The following AUTS2 variants were observed in gnomAD, a reference collection of about 807,000 sequenced individuals.
AUTS2 encodes the protein activator of transcription and developmental regulator AUTS2.
AUTS2 carries 17 observed loss-of-function variants against 112.4 expected under a neutral mutation model. That is an observed-to-expected ratio of 0.15 (90% confidence interval 0.10 to 0.23). The LOEUF is 0.23. AUTS2 is among the 10% of genes least tolerant of loss of function. The probability of loss-of-function intolerance (pLI) is 1.00; values close to 1 mark genes in which losing one functional copy is unlikely to be tolerated. For missense variants in AUTS2, 1,510 were observed against 1,701.6 expected, an observed-to-expected ratio of 0.89 and a Z score of 1.98; for synonymous variants, 751 against 702.7, an observed-to-expected ratio of 1.07 and a Z score of -1.09.
intron 6 of AUTS2, among the ~76,000 whole-genome samples, chr7:70,710,451 A>G (rs895114075): frequency 6.6e-6 from 1 of 152,242 alleles, no homozygotes; most frequent in African/African-American, 2.4e-5. Context: ...TCAGAGTTCT[A>G]GTTCTTCAAG....
chr7:70,763,582 C>A (rs77094103), intron 7 of AUTS2, among the ~76,000 whole-genome samples: 1 of 151,424 alleles, frequency 6.6e-6, no homozygotes, highest in Non-Finnish European at 1.5e-5. Flanking sequence ...TATGGGCACT[C>A]GAGAGTGGAG....
At chr7:70,146,090 CT>C (rs1439446939) in intron 4 of AUTS2, among the ~76,000 whole-genome samples, 1 of 152,052 alleles carries the variant, frequency 6.6e-6, no homozygotes, top group Non-Finnish European at 1.5e-5. Flanking sequence ...GTTTGATTTT[CT>C]TTAGATTTTT....
At chr7:69,863,397 C>G (rs117203421) in intron 1 of AUTS2, among the ~76,000 whole-genome samples, 239 of 152,172 alleles carry the variant, frequency 1.6e-3, no homozygotes, top group Non-Finnish European at 2.7e-3. Flanking sequence ...CTTGAGCATT[C>G]GTGGATTTTA....
At chr7:70,286,280 C>G (rs1047204520) in intron 4 of AUTS2, among the ~76,000 whole-genome samples, 2 of 152,154 alleles carry the variant, frequency 1.3e-5, no homozygotes, top group Non-Finnish European at 2.9e-5. Flanking sequence ...CAGGAAGATA[C>G]TGAAGGGTTA....
chr7:70,704,462 C>T (rs895091867), intron 6 of AUTS2, among the ~76,000 whole-genome samples: 1 of 152,156 alleles, frequency 6.6e-6, no homozygotes, highest in Non-Finnish European at 1.5e-5. Flanking sequence ...TTATACTGGG[C>T]GATTACTGCT....
intron 2 of AUTS2, among the ~76,000 whole-genome samples, chr7:70,013,393 C>T (rs768500801): frequency 2.0e-5 from 3 of 152,322 alleles, no homozygotes; most frequent in Non-Finnish European, 4.4e-5. Flanking sequence ...GAATTCTGCT[C>T]AAGTCAAGAT....
At chr7:70,138,006 C>T (rs537854418) in intron 4 of AUTS2, among the ~76,000 whole-genome samples, 2 of 152,068 alleles carry the variant, frequency 1.3e-5, no homozygotes, top group African/African-American at 2.4e-5. Flanking sequence ...ATGAACATGA[C>T]GATGTTGGAA....
chr7:70,219,982 GA>G (rs1811389866), intron 4 of AUTS2, among the ~76,000 whole-genome samples: 1 of 152,118 alleles, frequency 6.6e-6, no homozygotes, highest in African/African-American at 2.4e-5. Context: ...TACATTCTAG[GA>G]CTAAGACTTT....
chr7:69,686,330 A>G (rs1797063518), intron 1 of AUTS2, among the ~76,000 whole-genome samples: 1 of 152,306 alleles, frequency 6.6e-6, no homozygotes, highest in East Asian at 1.9e-4. Context: ...TGGAGGGTTC[A>G]TAATAGAAAG....
chr7:69,873,535 C>T (rs577446208), intron 1 of AUTS2, among the ~76,000 whole-genome samples: 11 of 151,358 alleles, frequency 7.3e-5, no homozygotes, highest in Admixed American at 2.0e-4. Context: ...ATGAGATCGT[C>T]GTGAGATCTA....
chr7:70,470,555 C>T (rs1272230003), intron 5 of AUTS2, among the ~76,000 whole-genome samples: 1 of 152,192 alleles, frequency 6.6e-6, no homozygotes, highest in African/African-American at 2.4e-5. Context: ...TAAACATGGA[C>T]TGGGCCCACG....
At chr7:69,783,088 CTTTTTTTTTTTT>C (rs398047755) in intron 1 of AUTS2, among the ~76,000 whole-genome samples, 4 of 85,136 alleles carry the variant, frequency 4.7e-5, no homozygotes, top group East Asian at 3.8e-4. Flanking sequence ...TGCTGCTCAT[CTTTTTTTTTTTT>C]TTTTTTTTTT....
chr7:69,991,001 GGA>G (rs1798720694), intron 2 of AUTS2, among the ~76,000 whole-genome samples: 2 of 152,128 alleles, frequency 1.3e-5, no homozygotes, highest in South Asian at 4.1e-4. Context: ...AGAGGAGAGA[GGA>G]GAGTTTTCTT....
chr7:69,828,013 G>A (rs1037271599), intron 1 of AUTS2, among the ~76,000 whole-genome samples: 11 of 152,232 alleles, frequency 7.2e-5, no homozygotes, highest in African/African-American at 1.2e-4. Context: ...CCAGCATTCC[G>A]TGAGGACTTG....
chr7:70,310,113 G>T (rs1018006120), intron 4 of AUTS2, among the ~76,000 whole-genome samples: 6 of 151,852 alleles, frequency 4.0e-5, no homozygotes, highest in African/African-American at 1.5e-4. Context: ...GTGGTAAAGG[G>T]AGATGAAAAC....
At position 70,622,787 on chromosome 7, in the gene AUTS2, C is replaced by G. The variant is rs142073285; in HGVS notation, c.691-75782C>G. On this transcript the variant is annotated intron_variant, in intron 5 of 18. Transcript: ENST00000342771. ...GCAGCCTTTACACGTCTTTCATCGGCCTTTTTCTTTGTGGACCAAAAGAAA... is the reference window on the plus strand; with the variant it reads ...GCAGCCTTTACACGTCTTTCATCGGGCTTTTTCTTTGTGGACCAAAAGAAA... 4.6e-5 allele frequency among the ~76,000 whole-genome samples: 7 copies of G among 152,276 alleles called. No individual in the cohort carries two copies. In the East Asian group the frequency reaches 1.2e-3, roughly 25 times the overall value.
intron 4 of AUTS2, among the ~76,000 whole-genome samples, chr7:70,152,542 A>G (rs749195436): frequency 4.6e-5 from 7 of 152,256 alleles, no homozygotes; most frequent in Middle Eastern, 3.4e-3. Context: ...TTCAAAAGAC[A>G]TGGATAAGAG....
chr7:70,596,501 G>A (rs1476760781), intron 5 of AUTS2: 1 of 152,312 alleles, frequency 6.6e-6, no homozygotes, highest in Non-Finnish European at 1.5e-5. Context: ...AGAAGCAGCA[G>A]ATGCCGAACC....
At chr7:69,679,458 T>C (rs1479753726) in intron 1 of AUTS2, among the ~76,000 whole-genome samples, 2 of 152,250 alleles carry the variant, frequency 1.3e-5, no homozygotes, top group East Asian at 1.9e-4. Flanking sequence ...GAGGCAGTTA[T>C]AACTAAGTGT....
Sources: gnomAD v4.1 joint callset for allele counts (sites outside exome capture counted in the v4.1 genomes callset) on GRCh38, gnomAD v4.1.1 for gene constraint, MANE v1.5 for transcripts, NCBI Gene and HGNC (gene_info 2026-07-23, HGNC 2026-07-21) for gene names.